Variants in NEBL observed in about 807,000 individuals in gnomAD.
The protein encoded by NEBL is LIM and SH3 protein 2.
In NEBL, 122 loss-of-function variants were observed where a neutral mutation model predicts 140.2. The observed-to-expected ratio is 0.87, with a 90% CI of 0.75 to 1.01. The LOEUF is 1.01. Ranked by LOEUF, NEBL falls within the 50% of genes least tolerant of loss-of-function variation. The pLI, the probability that NEBL is intolerant of heterozygous loss-of-function variation, is 0.00. For missense variants in NEBL, 1,365 were observed against 1,231.3 expected (o/e 1.11, Z -1.62); for synonymous variants, 436 against 398.9 (o/e 1.09, Z -1.11).
intron 4 of NEBL, among the ~76,000 whole-genome samples, chr10:20,942,997 T>C (rs1834963418): frequency 6.6e-6 from 1 of 152,222 alleles, no homozygotes; most frequent in Admixed American, 6.5e-5. Context: ...GGTGGGACTG[T>C]AAACTAGTTC....
intron 14 of NEBL, among the ~76,000 whole-genome samples, chr10:20,834,133 G>A (rs1049132231): frequency 3.1e-4 from 47 of 152,068 alleles, no homozygotes; most frequent in African/African-American, 1.1e-3. Context: ...TAAGAATGAG[G>A]TAGACCTATA....
At position 21,146,392 on chromosome 10, in the gene NEBL, G is replaced by T. The variant is rs542936235; in HGVS notation, c.164+25991C>A. The T allele has an allele frequency of 2.2e-5, 35 of 1,609,682 alleles. 1 individual carries two copies. In the East Asian group the frequency reaches 7.6e-4, roughly 35 times the overall value. Reference sequence around the variant, plus strand: ...CAGCCACACAAGAAAAAAATGACTGGTTGATTAGTAAAGCACAAACACTCT... The same window carrying T: ...CAGCCACACAAGAAAAAAATGACTGTTTGATTAGTAAAGCACAAACACTCT... On this transcript the variant is annotated intron_variant, in intron 2 of 6. Coordinates refer to the NEBL transcript ENST00000417816.
At chr10:20,806,656 C>T (rs1837644990) in intron 26 of NEBL, among the ~76,000 whole-genome samples, 1 of 152,224 alleles carries the variant, frequency 6.6e-6, no homozygotes, top group South Asian at 2.1e-4. Flanking sequence ...AAGGTCCCCC[C>T]ACCAGCCTCT....
At chr10:20,940,080 C>T (rs371718265) in intron 4 of NEBL, among the ~76,000 whole-genome samples, 54 of 151,974 alleles carry the variant, frequency 3.6e-4, no homozygotes, top group Admixed American at 2.6e-3. Context: ...CTGCACCAAG[C>T]GGACTTAATA....
chr10:20,966,782 C>G (rs1836334181), intron 3 of NEBL, among the ~76,000 whole-genome samples: 1 of 152,150 alleles, frequency 6.6e-6, no homozygotes, highest in Admixed American at 6.5e-5. Context: ...ATGCTGCAAA[C>G]AGCGCAATTA....
At chr10:21,089,070 C>T (rs1453909574) in intron 2 of NEBL, among the ~76,000 whole-genome samples, 1 of 152,056 alleles carries the variant, frequency 6.6e-6, no homozygotes, top group African/African-American at 2.4e-5. Context: ...AAAAGGGAGG[C>T]AGAACAGGTG....
At chr10:21,156,156 A>C (rs1415314474) in intron 2 of NEBL, among the ~76,000 whole-genome samples, 1 of 152,230 alleles carries the variant, frequency 6.6e-6, no homozygotes, top group Non-Finnish European at 1.5e-5. Context: ...GCATTCATTT[A>C]TTGGGGGACA....
Position 21,186,531 on chromosome 10 carries a change from C to A in NEBL, n.349-14054G>T, listed in dbSNP as rs192094240. 3.2e-3 allele frequency among the ~76,000 whole-genome samples: 484 copies of A among 152,310 alleles called. 4 individuals carry two copies. Among genetic ancestry groups the A allele is most frequent in the Non-Finnish European group, 3.9e-3 (263 of 68,016 alleles). On this transcript the variant is annotated intron_variant and non_coding_transcript_variant, in intron 3 of 8. Coordinates refer to the NEBL transcript ENST00000675702. ...GTATTTGCATATAACCTACACACAT[C>A]CTCCTGTATTCTTTAAATCAAGCTT...
At chr10:21,242,618 T>A (rs888812343) in intron 3 of NEBL, among the ~76,000 whole-genome samples, 9 of 151,840 alleles carry the variant, frequency 5.9e-5, no homozygotes, top group East Asian at 1.9e-4. Flanking sequence ...AAAGTTTTTT[T>A]AAAAAAAAGA....
intron 2 of NEBL, among the ~76,000 whole-genome samples, chr10:20,896,737 G>A (rs1024266388): frequency 1.6e-4 from 25 of 151,952 alleles, no homozygotes; most frequent in Non-Finnish European, 3.2e-4. Context: ...TAAGGGACAG[G>A]ATTCTGGATT....
chr10:21,235,950 A>C (rs927126747), intron 3 of NEBL, among the ~76,000 whole-genome samples: 9 of 152,228 alleles, frequency 5.9e-5, no homozygotes, highest in Admixed American at 1.3e-4. Flanking sequence ...AATGGAAAAG[A>C]AACGACTTTT....
At chr10:20,857,677 G>A (rs1295847951) in intron 9 of NEBL, among the ~76,000 whole-genome samples, 1 of 152,026 alleles carries the variant, frequency 6.6e-6, no homozygotes, top group Non-Finnish European at 1.5e-5. Flanking sequence ...TGACCACGTG[G>A]GCAGTGCACC....
At chr10:21,041,907 G>T (rs1463838977) in intron 2 of NEBL, among the ~76,000 whole-genome samples, 1 of 152,162 alleles carries the variant, frequency 6.6e-6, no homozygotes, top group East Asian at 1.9e-4. Flanking sequence ...CATGGTGCTG[G>T]TGGGAGTGTC....
At chr10:21,224,176 G>C (rs1564545376) in intron 3 of NEBL, among the ~76,000 whole-genome samples, 1 of 152,166 alleles carries the variant, frequency 6.6e-6, no homozygotes. Flanking sequence ...AATCCATTTT[G>C]ATTTGATTTT....
chr10:20,829,493 G>A (rs868827961), intron 16 of NEBL, among the ~76,000 whole-genome samples: 5 of 151,702 alleles, frequency 3.3e-5, no homozygotes, highest in African/African-American at 7.3e-5. Flanking sequence ...GCTAGATGAC[G>A]AGTTAGTGGG....
chr10:21,215,957 C>A (rs1445794742), intron 3 of NEBL, among the ~76,000 whole-genome samples: 1 of 152,178 alleles, frequency 6.6e-6, no homozygotes, highest in Non-Finnish European at 1.5e-5. Context: ...AGGCGTGAGC[C>A]ACCGCACCTG....
Position 20,835,546 on chromosome 10 carries a change from C to T in NEBL, c.1416G>A (p.Gln472=). 1.2e-6 allele frequency: 2 copies of T among 1,612,588 alleles called. No individual in the cohort carries two copies. The change falls in exon 14 of 28, where the codon CAG becomes CAA. Residue 472 remains glutamine (Q), a synonymous_variant. Transcript: ENST00000377122. ...MQAGTDTLEM[Q]HAKKAAEIAS... ...CTATCTCTGCAGCCTTCTTGGCATGCTGCATTTCAAGGGTGTCAGTGCCAG... is the reference window on the plus strand; with the variant it reads ...CTATCTCTGCAGCCTTCTTGGCATGTTGCATTTCAAGGGTGTCAGTGCCAG...
chr10:21,149,832 A>T (rs900189116), intron 2 of NEBL, among the ~76,000 whole-genome samples: 1 of 152,178 alleles, frequency 6.6e-6, no homozygotes, highest in African/African-American at 2.4e-5. Context: ...CCAGGTAGAT[A>T]GGGTTGGAAT....
chr10:21,163,579 G>C (rs1375312025), intron 2 of NEBL, among the ~76,000 whole-genome samples: 2 of 152,172 alleles, frequency 1.3e-5, no homozygotes, highest in African/African-American at 2.4e-5. Flanking sequence ...CCACATCCCA[G>C]ATCTATAGAC....
Sources: gnomAD v4.1 joint callset for allele counts (sites outside exome capture counted in the v4.1 genomes callset) on GRCh38, gnomAD v4.1.1 for gene constraint, MANE v1.5 for transcripts, NCBI Gene and HGNC (gene_info 2026-07-23, HGNC 2026-07-21) for gene names.